Variants in VTI1A observed in about 807,000 individuals in gnomAD.
VTI1A encodes vesicle transport through interaction with t-SNAREs homolog 1A.
VTI1A carries 22 observed loss-of-function variants against 34.9 expected under a neutral mutation model. That is an observed-to-expected ratio of 0.63 (90% CI 0.45 to 0.90). The LOEUF is 0.90. VTI1A is among the 40% of genes least tolerant of loss of function. VTI1A has a pLI of 0.00. For missense variants in VTI1A, 268 were observed against 275.6 expected (o/e 0.97, Z 0.20); for synonymous variants, 87 against 97.3 (o/e 0.89, Z 0.62).
intron 4 of VTI1A, among the ~76,000 whole-genome samples, chr10:112,537,900 G>A (rs547027084): frequency 5.9e-5 from 9 of 152,274 alleles, no homozygotes; most frequent in South Asian, 2.1e-4. Context: ...AATAGGGAAC[G>A]TAGATCTATG....
intron 5 of VTI1A, among the ~76,000 whole-genome samples, chr10:112,594,323 A>G (rs1182982247): frequency 6.6e-6 from 1 of 152,192 alleles, no homozygotes. Context: ...AGCCTGCTTT[A>G]GGAGAAGGAA....
In VTI1A at chr10:112,460,538, A is replaced by G; in HGVS notation, c.109A>G (p.Met37Val). 2 of 1,609,528 alleles carry G rather than the reference A, an allele frequency of 1.2e-6. No homozygotes were observed. Among genetic ancestry groups the G allele is most frequent in the Non-Finnish European group, 1.7e-6 (2 of 1,178,152 alleles). Residue 37 changes from methionine to valine, a missense_variant, in exon 2 of 8, where the codon ATG (methionine) becomes GTG (valine). Coordinates refer to ENST00000393077, the MANE Select transcript of VTI1A (RefSeq NM_145206.4). ...GTTTGTTTCAGATGAAAAGAAACAG[A>G]TGGTTGCAAATGTGGAGAAACAGCT... ...PRLPPDEKKQ[M>V]VANVEKQLEE...
At chr10:112,707,606 A>G (rs1469144447) in intron 7 of VTI1A, among the ~76,000 whole-genome samples, 2 of 152,214 alleles carry the variant, frequency 1.3e-5, no homozygotes, top group Admixed American at 6.5e-5. Context: ...TGCTGGGATT[A>G]CAGGCTTGAG....
intron 5 of VTI1A, among the ~76,000 whole-genome samples, chr10:112,571,989 G>C (rs777757681): frequency 6.6e-6 from 1 of 152,210 alleles, no homozygotes; most frequent in East Asian, 1.9e-4. Flanking sequence ...CTAGAAGGGG[G>C]AGAGAGGAGG....
intron 2 of VTI1A, 59 bp downstream of exon 2, chr10:112,460,641 T>A: frequency 7.3e-7 from 1 of 1,361,988 alleles, no homozygotes; most frequent in Non-Finnish European, 1.0e-6. Flanking sequence ...GCTAATGTCT[T>A]CCTCTAGCCT....
chr10:112,673,468 G>GCACACACACACACA (rs150053497), intron 7 of VTI1A, among the ~76,000 whole-genome samples: 1 of 151,562 alleles, frequency 6.6e-6, no homozygotes, highest in Non-Finnish European at 1.5e-5. Flanking sequence ...GCGTGCGCGC[G>GCACACACACACACA]CACACACACA....
chr10:112,742,178 C>A (rs1850717505), intron 7 of VTI1A, among the ~76,000 whole-genome samples: 1 of 152,212 alleles, frequency 6.6e-6, no homozygotes, highest in African/African-American at 2.4e-5. Flanking sequence ...CTGAGCTTGA[C>A]CTGGCAGGTA....
At chr10:112,814,732 G>A (rs146904012) in intron 7 of VTI1A, among the ~76,000 whole-genome samples, 6 of 152,264 alleles carry the variant, frequency 3.9e-5, no homozygotes, top group Non-Finnish European at 5.9e-5. Flanking sequence ...GTAACGGAGC[G>A]TGAGCCACAC....
intron 3 of VTI1A, among the ~76,000 whole-genome samples, chr10:112,466,579 C>T (rs986427078): frequency 3.3e-5 from 5 of 152,220 alleles, no homozygotes; most frequent in South Asian, 2.1e-4. Flanking sequence ...GGATTAAGAA[C>T]TTGACAACTC....
intron 7 of VTI1A, among the ~76,000 whole-genome samples, chr10:112,712,904 A>G (rs1311360106): frequency 6.6e-6 from 1 of 152,162 alleles, no homozygotes; most frequent in East Asian, 1.9e-4. Flanking sequence ...CAGATGTTGA[A>G]CATCTGTAAA....
intron 7 of VTI1A, among the ~76,000 whole-genome samples, chr10:112,761,796 GTGTA>G (rs1351204386): frequency 1.4e-5 from 2 of 147,896 alleles, no homozygotes; most frequent in Non-Finnish European, 3.0e-5. Flanking sequence ...GTGTGTGTGT[GTGTA>G]TGTATATGAA....
At chr10:112,516,529 TGAG>T (rs1183422396) in intron 3 of VTI1A, among the ~76,000 whole-genome samples, 6 of 152,040 alleles carry the variant, frequency 3.9e-5, no homozygotes, top group African/African-American at 1.4e-4. Flanking sequence ...CTGCCCAAAA[TGAG>T]GAGCTGAGAC....
chr10:112,664,577 T>C (rs945996189), intron 5 of VTI1A, among the ~76,000 whole-genome samples: 26 of 152,198 alleles, frequency 1.7e-4, no homozygotes, highest in Admixed American at 3.9e-4. Context: ...GTTACCTGAT[T>C]CTTTCTCAAT....
rs1038137902 is a variant in VTI1A at position 112,617,654 on chromosome 10, G to T, written c.428-50564G>T. ...AGGGCCTTGTATTTTCAGGACAGGT[G>T]TAAAAATATTCATAAACTTTGGACT... On this transcript the variant is annotated intron_variant, in intron 5 of 7. Coordinates refer to ENST00000393077, the MANE Select transcript of VTI1A (RefSeq NM_145206.4). Among the ~76,000 whole-genome samples, 50 of 152,096 alleles carry T rather than the reference G, an allele frequency of 3.3e-4. 1 individual carries two copies. The highest frequency in any genetic ancestry group is 1.2e-3 in the African/African-American group (49 of 41,490).
intron 7 of VTI1A, among the ~76,000 whole-genome samples, chr10:112,685,769 G>A (rs1437375605): frequency 6.6e-6 from 1 of 152,026 alleles, no homozygotes; most frequent in African/African-American, 2.4e-5. Context: ...TCTGCAAATG[G>A]AGAGCTGCTT....
intron 3 of VTI1A, among the ~76,000 whole-genome samples, chr10:112,518,438 G>A (rs189646144): frequency 7.2e-5 from 11 of 151,800 alleles, no homozygotes; most frequent in Admixed American, 4.6e-4. Flanking sequence ...GCCAGGTGCT[G>A]TGGCTTATAC....
chr10:112,743,429 G>C (rs200254890), intron 7 of VTI1A, among the ~76,000 whole-genome samples: 1 of 152,142 alleles, frequency 6.6e-6, no homozygotes, highest in East Asian at 1.9e-4. Flanking sequence ...CCACTTTGTG[G>C]CTGGGGCTGG....
rs943405364 is a variant in VTI1A, at chr10:112,818,424, G to A, written c.*3041G>A. On this transcript the variant is annotated 3_prime_UTR_variant, in exon 8 of 8. Coordinates refer to ENST00000393077, the MANE Select transcript of VTI1A (RefSeq NM_145206.4). ...GGGAAAAAAAAGAAAGAAAGGAAAAGCAACTGTCTTTCTCTCCCTCTCTTT... is the reference window on the plus strand; with the variant it reads ...GGGAAAAAAAAGAAAGAAAGGAAAAACAACTGTCTTTCTCTCCCTCTCTTT... 6.0e-4 allele frequency: 138 copies of A among 231,820 alleles called. 7 individuals are homozygous for A. Among genetic ancestry groups the A allele is most frequent in the Middle Eastern group, 1.3e-3 (1 of 796 alleles). The allele number at this position is 231,820 out of a possible 1,614,324, so 14.4% of individuals were successfully genotyped here. A position where few individuals can be genotyped will look rare whatever the true frequency, so the allele number is the denominator to read the frequency against.
intron 5 of VTI1A, among the ~76,000 whole-genome samples, chr10:112,631,004 C>G (rs1481271079): frequency 1.3e-5 from 2 of 152,082 alleles, no homozygotes; most frequent in African/African-American, 4.8e-5. Context: ...CACCTGTAAT[C>G]CCAGCTACCT....
Sources: allele counts gnomAD v4.1 joint callset (sites outside exome capture counted in the v4.1 genomes callset), GRCh38; gene constraint gnomAD v4.1.1; transcripts MANE v1.5; gene names NCBI Gene and HGNC (gene_info 2026-07-23, HGNC 2026-07-21).